Variants in HERC1 observed in about 807,000 individuals in gnomAD.
HERC1 encodes the protein probable E3 ubiquitin-protein ligase HERC1.
HERC1 carries 160 observed loss-of-function variants against 554.3 expected under a neutral mutation model. That is an observed-to-expected ratio of 0.29 (90% CI 0.25 to 0.33). The LOEUF (loss-of-function observed/expected upper bound fraction) is 0.33, where lower values mean the gene tolerates loss of function less well. HERC1 is among the 10% of genes least tolerant of loss of function. The probability of loss-of-function intolerance (pLI) is 1.00; values close to 1 mark genes in which losing one functional copy is unlikely to be tolerated. For synonymous variants in HERC1, 2,175 were observed against 2,131.7 expected (o/e 1.02, Z -0.56); for missense variants, 4,919 against 5,918.5 (o/e 0.83, Z 5.54).
chr15:63,627,630 C>T (rs926658924), intron 70 of HERC1, among the ~76,000 whole-genome samples: 3 of 150,548 alleles, frequency 2.0e-5, no homozygotes, highest in African/African-American at 2.5e-5. Context: ...GCCGAGATTG[C>T]GCCATTACAC....
intron 34 of HERC1, among the ~76,000 whole-genome samples, chr15:63,684,431 C>G (rs973069209): frequency 2.0e-4 from 30 of 152,178 alleles, no homozygotes; most frequent in African/African-American, 7.0e-4. Flanking sequence ...TTTGTCCTGG[C>G]CAATTCCTAA....
intron 38 of HERC1, 116 bp from the exon 39 acceptor site, chr15:63,672,810 G>C: frequency 2.9e-6 from 2 of 686,128 alleles, no homozygotes; most frequent in Admixed American, 5.9e-5. Context: ...TATTTCACAA[G>C]CATCAATTTC....
At chr15:63,805,843 T>C (rs2077120819) in intron 1 of HERC1, among the ~76,000 whole-genome samples, 2 of 151,474 alleles carry the variant, frequency 1.3e-5, no homozygotes. Context: ...CTTGGGAAGC[T>C]GAGGCAGGAG....
chr15:63,676,820 T>C (rs2071236090), intron 37 of HERC1, among the ~76,000 whole-genome samples: 1 of 152,220 alleles, frequency 6.6e-6, no homozygotes, highest in Non-Finnish European at 1.5e-5. Context: ...TACCAACATG[T>C]AACTTTACAG....
Position 63,694,289 on chromosome 15 carries a change from A to G in HERC1, c.5480+23T>C, listed in dbSNP as rs756865580. ...GGAAGACCAGACTTCATACAGTTCT[A>G]CAAAGACATCTACCATACTTACCCA... is the stretch of plus-strand genomic sequence containing the variant. On this transcript the variant is annotated intron_variant, in intron 29 of 77. Transcript: ENST00000443617. The surrounding 1 kb of genome is among the most constrained non-coding windows in gnomAD (Gnocchi z 4.3). The G allele has an allele frequency of 1.7e-5, 27 of 1,599,542 alleles. No homozygotes were observed. Among genetic ancestry groups the G allele is most frequent in the Non-Finnish European group, 2.0e-5 (23 of 1,172,306 alleles).
chr15:63,629,984 T>C (rs2068475348), intron 69 of HERC1, among the ~76,000 whole-genome samples: 1 of 152,172 alleles, frequency 6.6e-6, no homozygotes, highest in African/African-American at 2.4e-5. Flanking sequence ...CTATAAATAA[T>C]GGGAGTGACA....
rs145661578 is a variant in HERC1 at position 63,778,116 on chromosome 15, A to G, written c.-26-2467T>C. Among the ~76,000 whole-genome samples, 172 of 152,358 alleles carry G rather than the reference A, an allele frequency of 1.1e-3. 1 individual carries two copies. Among genetic ancestry groups the G allele is most frequent in the Non-Finnish European group, 1.9e-3 (131 of 68,032 alleles). On this transcript the variant is annotated intron_variant, in intron 1 of 77. Coordinates refer to ENST00000443617, the MANE Select transcript of HERC1 (RefSeq NM_003922.4). ...CCTGTAGCATAACTTGAAGATACAG[A>G]ATGCCAAAATTGCAAATAATTGTAA...
At chr15:63,683,970 C>T (rs940382709) in intron 34 of HERC1, among the ~76,000 whole-genome samples, 1 of 152,228 alleles carries the variant, frequency 6.6e-6, no homozygotes, top group African/African-American at 2.4e-5. Flanking sequence ...AAAGCAGGCA[C>T]AAGCTGAATG....
intron 1 of HERC1, among the ~76,000 whole-genome samples, chr15:63,827,231 C>A (rs12915455): frequency 2.6e-4 from 39 of 152,164 alleles, no homozygotes; most frequent in Non-Finnish European, 4.4e-4. Flanking sequence ...TCGAGACCAG[C>A]CTGGGCAACA....
At chr15:63,735,040 C>T (rs2074440278) in intron 12 of HERC1, among the ~76,000 whole-genome samples, 191 bp from the exon 13 acceptor site, 1 of 152,186 alleles carries the variant, frequency 6.6e-6, no homozygotes, top group Admixed American at 6.5e-5. Flanking sequence ...CGATTTGCCA[C>T]TAAATAGCTA....
At chr15:63,802,370 T>C (rs2077022191) in intron 1 of HERC1, among the ~76,000 whole-genome samples, 1 of 152,226 alleles carries the variant, frequency 6.6e-6, no homozygotes, top group South Asian at 2.1e-4. Context: ...CAAATTGTTT[T>C]TGCTACATCA....
At chr15:63,613,795 G>A (rs866409076) in intron 76 of HERC1, among the ~76,000 whole-genome samples, 5 of 152,212 alleles carry the variant, frequency 3.3e-5, no homozygotes, top group Middle Eastern at 6.8e-3. Flanking sequence ...CTGCACTCCA[G>A]CCTGGGTGAC....
intron 24 of HERC1, among the ~76,000 whole-genome samples, chr15:63,710,639 A>G (rs1159781358): frequency 6.6e-6 from 1 of 152,214 alleles, no homozygotes; most frequent in Non-Finnish European, 1.5e-5. Flanking sequence ...GAAAAAACAA[A>G]GCAAGGCAAG....
rs762097769 is a variant in HERC1 at position 63,641,565 on chromosome 15, G to C, written c.11512C>G (p.Gln3838Glu). 6 of 1,609,346 alleles carry C rather than the reference G, an allele frequency of 3.7e-6. No individual in the cohort carries two copies. In the Admixed American group the frequency reaches 1.0e-4, roughly 27 times the overall value. ...ATGTTCAATCCCAGAACACCCTGCT[G>C]TTTCAATGCTGTCCTACAGGTTGCC... ...VLATCRTALK[Q>E]QGVLGLNMAP... The change falls in exon 60 of 78, where the codon CAG becomes GAG. Residue 3838 changes from glutamine to glutamate, a missense_variant. Transcript: ENST00000443617.
rs889887031 is a variant in HERC1 at position 63,756,446 on chromosome 15, T to C, written c.1524A>G (p.Leu508=). The C allele has an allele frequency of 1.2e-6, 2 of 1,611,482 alleles. No individual in the cohort carries two copies. Among genetic ancestry groups the C allele is most frequent in the South Asian group, 1.1e-5 (1 of 90,742 alleles). ...QKYPKLIQGP[L]QGKVVVCVSA... ...AAAAGAATGCACATACCTTTCCTTG[T>C]AGAGGTCCCTGAATAAGCTTGGGAT... Residue 508 remains leucine, a synonymous_variant, in exon 5 of 78, where the codon CTA becomes CTG. Transcript: ENST00000443617. The surrounding 1 kb of genome is among the most constrained non-coding windows in gnomAD (Gnocchi z 5.0).
In HERC1 at chr15:63,694,458, C is replaced by T. The variant is rs772181978; in HGVS notation, c.5334G>A (p.Leu1778=). Residue 1778 remains leucine (L), a synonymous_variant, in exon 29 of 78, where the codon CTG becomes CTA. Transcript: ENST00000443617. The surrounding 1 kb of genome is among the most constrained non-coding windows in gnomAD (Gnocchi z 4.3). ...CACACAACTGTGACAATACGTTTAG[C>T]AGACCAGTGGAAATTGCCAAAGAAA... The part of the protein sequence containing the change: ...VDVSLAISTG[L]LNVLSQLCGT... The T allele has an allele frequency of 6.2e-7, 1 of 1,613,876 alleles. No homozygotes were observed.
At position 63,612,242 on chromosome 15, in the gene HERC1, C is replaced by CT. The variant is rs751489074; in HGVS notation, c.14400+8dup. ...GACATTACAAAGGAAAAAAGAATAG[C>CT]TTACTTACCCTATCAACCTTCATGA... On this transcript the variant is annotated intron_variant, in intron 77 of 77. Transcript: ENST00000443617. This position sits in a 1 kb window ranked among gnomAD's most constrained non-coding sequence, Gnocchi z 5.0. The CT allele has an allele frequency of 4.4e-6, 7 of 1,590,684 alleles. No homozygotes were observed. The Admixed American group carries it at 5.2e-5, about 12-fold the overall frequency.
At chr15:63,647,195 A>C (rs1284855512) in intron 55 of HERC1, among the ~76,000 whole-genome samples, 2 of 152,130 alleles carry the variant, frequency 1.3e-5, no homozygotes, top group Non-Finnish European at 2.9e-5. Flanking sequence ...TGGAAATTGC[A>C]GTGAGCCAAG....
rs769002596 is a variant in HERC1 at position 63,749,490 on chromosome 15, T to A, written c.2096A>T (p.Gln699Leu). 21 of 1,613,638 alleles carry A rather than the reference T, an allele frequency of 1.3e-5. No individual in the cohort carries two copies. The highest frequency in any genetic ancestry group is 1.6e-4 in the Middle Eastern group (1 of 6,082). The change falls in exon 10 of 78, where the codon CAG becomes CTG. Residue 699 changes from glutamine to leucine, a missense_variant. Around this residue, in one of 11 missense-constraint regions of HERC1, gnomAD observed 744 missense variants for 1,090.0 expected, o/e 0.68. Coordinates refer to ENST00000443617, the MANE Select transcript of HERC1 (RefSeq NM_003922.4). This position sits in a 1 kb window ranked among gnomAD's most constrained non-coding sequence, Gnocchi z 4.1. ...AGTAATAGGACCTGTGGAATTTCCC[T>A]GACCACATTGCCCCATTGAGTTATT... ...WGNNSMGQCGQGNSTGPITKP... is the reference protein window; with the variant it reads ...WGNNSMGQCGLGNSTGPITKP...
Sources: allele counts gnomAD v4.1 joint callset (sites outside exome capture counted in the v4.1 genomes callset), GRCh38; gene constraint gnomAD v4.1.1; regional missense constraint gnomAD v4.1.1; non-coding constraint Gnocchi (gnomAD v3.1); transcripts MANE v1.5; gene names NCBI Gene and HGNC (gene_info 2026-07-23, HGNC 2026-07-21).